The following CELF2 variants were observed in gnomAD, a reference collection of about 807,000 sequenced individuals.
CELF2 encodes CUGBP Elav-like family member 2, also known as CUG triplet repeat RNA-binding protein 2.
In CELF2, 8 loss-of-function variants were observed where a neutral mutation model predicts 62.6. The ratio of observed to expected loss-of-function variants is 0.13; its 90% CI spans 0.07 to 0.23. The LOEUF (loss-of-function observed/expected upper bound fraction) is 0.23. CELF2 is among the 10% of genes least tolerant of loss of function. The pLI is 1.00. For missense variants in CELF2, 333 were observed against 671.0 expected (o/e 0.50, Z 5.56); for synonymous variants, 258 against 250.0 (o/e 1.03, Z -0.30).
intron 2 of CELF2, among the ~76,000 whole-genome samples, chr10:11,182,841 C>T (rs182534247): frequency 2.0e-5 from 3 of 152,246 alleles, no homozygotes; most frequent in Admixed American, 2.0e-4. Flanking sequence ...CTGACTGCTG[C>T]CTTTCCTTTC....
At chr10:10,571,049 A>G in the CELF2 span, among the ~76,000 whole-genome samples, 13 of 152,330 alleles carry the variant, frequency 8.5e-5, no homozygotes, top group Admixed American at 8.5e-4. Flanking sequence ...GAGAGAAAAG[A>G]AAGGTGACTT....
chr10:10,856,551 A>G (rs2059721232), intron 1 of CELF2, among the ~76,000 whole-genome samples: 1 of 152,172 alleles, frequency 6.6e-6, no homozygotes, highest in African/African-American at 2.4e-5. Flanking sequence ...GATAATAAAC[A>G]ATGGAAGAAA....
At chr10:10,532,029 A>C in the CELF2 span, among the ~76,000 whole-genome samples, 1 of 152,256 alleles carries the variant, frequency 6.6e-6, no homozygotes, top group Non-Finnish European at 1.5e-5. Flanking sequence ...GGTGGCTGAG[A>C]GTGAGGAAAG....
chr10:10,610,213 T>C, the CELF2 span, among the ~76,000 whole-genome samples: 2 of 152,210 alleles, frequency 1.3e-5, no homozygotes, highest in African/African-American at 4.8e-5. Flanking sequence ...AAAATGAATA[T>C]GCTACCAGCT....
intron 8 of CELF2, among the ~76,000 whole-genome samples, chr10:11,279,835 A>G (rs899804468): frequency 2.0e-5 from 3 of 152,146 alleles, no homozygotes; most frequent in Admixed American, 6.5e-5. Context: ...TTCCCCAAGT[A>G]TTGAATGAAA....
At chr10:11,122,552 TGAG>T (rs1297768685) in intron 1 of CELF2, among the ~76,000 whole-genome samples, 5 of 152,218 alleles carry the variant, frequency 3.3e-5, no homozygotes, top group Non-Finnish European at 7.3e-5. Flanking sequence ...CAAAATGTCT[TGAG>T]GAAGTAAGCC....
chr10:11,062,628 T>C (rs1441893230), intron 1 of CELF2, among the ~76,000 whole-genome samples: 1 of 152,220 alleles, frequency 6.6e-6, no homozygotes, highest in Non-Finnish European at 1.5e-5. Context: ...TGCAGTGTCA[T>C]GATCAAACTT....
At position 11,329,865 on chromosome 10, in the gene CELF2, A is replaced by T. The variant is rs936292133; in HGVS notation, c.*812A>T. On this transcript the variant is annotated 3_prime_UTR_variant, in exon 13 of 13. Coordinates refer to ENST00000633077, the MANE Select transcript of CELF2 (RefSeq NM_001326342.2). This position sits in a 1 kb window ranked among gnomAD's most constrained non-coding sequence, Gnocchi z 5.5. ...ATAAATACATAAATACATAAATAAA[A>T]AAGAAAGCCACAGGCCTGTAAATTT... is the stretch of plus-strand genomic sequence containing the variant. 7 of 150,542 alleles carry T rather than the reference A, an allele frequency of 4.6e-5. No homozygotes were observed. Among genetic ancestry groups the T allele is most frequent in the African/African-American group, 1.8e-4 (7 of 39,820 alleles). The allele number at this position is 150,542 out of a possible 1,614,324, so 9.3% of individuals were successfully genotyped here. A position where few individuals can be genotyped will look rare whatever the true frequency, so the allele number is the denominator to read the frequency against.
At chr10:11,256,606 T>C (rs1347273045) in intron 4 of CELF2, among the ~76,000 whole-genome samples, 1 of 138,840 alleles carries the variant, frequency 7.2e-6, no homozygotes, top group African/African-American at 2.7e-5. Context: ...AAGAAATAGA[T>C]TGAAATGAAA....
chr10:11,076,387 GACGT>G (rs1594720300), intron 1 of CELF2, among the ~76,000 whole-genome samples: 1 of 152,206 alleles, frequency 6.6e-6, no homozygotes, highest in Non-Finnish European at 1.5e-5. Flanking sequence ...GCATTGCAAG[GACGT>G]AGGCTTGATT....
intron 1 of CELF2, among the ~76,000 whole-genome samples, chr10:10,833,263 G>A (rs1468393044): frequency 5.9e-5 from 9 of 152,158 alleles, no homozygotes; most frequent in Admixed American, 5.2e-4. Flanking sequence ...TGTAAACGAA[G>A]CAATAGCAGA....
the CELF2 span, among the ~76,000 whole-genome samples, chr10:10,633,135 G>A: frequency 2.6e-5 from 4 of 152,250 alleles, no homozygotes; most frequent in Admixed American, 6.5e-5. Context: ...ATGGAAATGG[G>A]CTTTTGGGCT....
chr10:11,051,679 A>T (rs999114955), intron 1 of CELF2, among the ~76,000 whole-genome samples: 4 of 152,226 alleles, frequency 2.6e-5, no homozygotes, highest in African/African-American at 9.6e-5. Flanking sequence ...TCACACAAAG[A>T]TACAATTACA....
the CELF2 span, among the ~76,000 whole-genome samples, chr10:10,510,267 T>C: frequency 2.0e-5 from 3 of 152,200 alleles, no homozygotes. Flanking sequence ...ATATTTTCAC[T>C]AATGAAAAGT....
At chr10:10,519,127 T>C in the CELF2 span, among the ~76,000 whole-genome samples, 40 of 152,282 alleles carry the variant, frequency 2.6e-4, 1 homozygote, top group South Asian at 6.8e-3. Flanking sequence ...AGGAACAGAA[T>C]TTAGCAAAAT....
At chr10:10,462,615 CTTTTTT>C in the CELF2 span, among the ~76,000 whole-genome samples, 8 of 69,414 alleles carry the variant, frequency 1.2e-4, no homozygotes, top group Admixed American at 2.1e-4. Flanking sequence ...TTTTTTTCAT[CTTTTTT>C]TTTTTTTTTT....
intron 3 of CELF2, among the ~76,000 whole-genome samples, chr10:11,245,934 A>G (rs1038845434): frequency 3.9e-5 from 6 of 152,326 alleles, no homozygotes; most frequent in African/African-American, 1.2e-4. Context: ...GAGTGGAGAT[A>G]TTAGAGTTGT....
At chr10:11,265,145 G>A (rs899241621) in intron 5 of CELF2, among the ~76,000 whole-genome samples, 27 of 152,206 alleles carry the variant, frequency 1.8e-4, no homozygotes, top group Non-Finnish European at 2.6e-4. Context: ...AGCAAAAGAA[G>A]AAAATATATT....
rs1400132938 is a variant in CELF2 at position 11,318,686 on chromosome 10, AAGAG to A, written c.1097-2499_1097-2496del. 9.0e-6 allele frequency: 4 copies of A among 442,386 alleles called. No individual in the cohort carries two copies. Among genetic ancestry groups the A allele is most frequent in the African/African-American group, 2.0e-5 (1 of 49,016 alleles). The allele number at this position is 442,386 out of a possible 1,614,324, so 27.4% of individuals were successfully genotyped here. A position where few individuals can be genotyped will look rare whatever the true frequency, so the allele number is the denominator to read the frequency against. ...GAGCTGTGTTCTGCTTCTGCATTGT[AAGAG>A]AGAAACATTTTTGGCAAAAAGGAGA... On this transcript the variant is annotated intron_variant, in intron 10 of 12. Coordinates refer to ENST00000633077, the MANE Select transcript of CELF2 (RefSeq NM_001326342.2). The surrounding 1 kb of genome is among the most constrained non-coding windows in gnomAD (Gnocchi z 5.4).
Sources: gnomAD v4.1 joint callset for allele counts (sites outside exome capture counted in the v4.1 genomes callset) on GRCh38, gnomAD v4.1.1 for gene constraint, Gnocchi (gnomAD v3.1) non-coding constraint, MANE v1.5 for transcripts, NCBI Gene and HGNC (gene_info 2026-07-23, HGNC 2026-07-21) for gene names.